C12orf42: variants seen among roughly 807,000 people sequenced by gnomAD.
C12orf42 encodes uncharacterized protein C12orf42.
In C12orf42, 25 loss-of-function variants were observed where a neutral mutation model predicts 21.6. The observed-to-expected ratio is 1.16, with a 90% CI of 0.84 to 1.62. The LOEUF is 1.62. C12orf42 is among the 40% of genes most tolerant of loss of function. The pLI is 0.00. For synonymous variants in C12orf42, 174 were observed against 175.0 expected (o/e 0.99, Z 0.05); for missense variants, 483 against 459.3 (o/e 1.05, Z -0.47).
the C12orf42 span, among the ~76,000 whole-genome samples, chr12:103,137,359 G>GA: frequency 0.037 from 4,729 of 129,114 alleles, 154 homozygotes; most frequent in African/African-American, 0.099. Flanking sequence ...TTTTTAAAAA[G>GA]AAAAAAAAAA....
chr12:103,077,295 A>G, the C12orf42 span, among the ~76,000 whole-genome samples: 1 of 152,356 alleles, frequency 6.6e-6, no homozygotes, highest in Non-Finnish European at 1.5e-5. Context: ...AGCCAACAGA[A>G]AAGTGCAAAT....
intron 4 of C12orf42, among the ~76,000 whole-genome samples, chr12:103,338,723 G>A (rs954337460): frequency 1.3e-5 from 2 of 152,096 alleles, no homozygotes; most frequent in African/African-American, 4.8e-5. Context: ...TGTTAAATAA[G>A]AGAGATGCTC....
intron 3 of C12orf42, among the ~76,000 whole-genome samples, chr12:103,393,569 C>G (rs558942546): frequency 6.7e-4 from 102 of 152,248 alleles, no homozygotes; most frequent in African/African-American, 2.3e-3. Flanking sequence ...ACAACACATG[C>G]TTCCGTTCCC....
At chr12:103,245,288 A>G (rs1209944351) in intron 10 of C12orf42, among the ~76,000 whole-genome samples, 2 of 152,214 alleles carry the variant, frequency 1.3e-5, no homozygotes, top group East Asian at 1.9e-4. Context: ...GGGCAAGATT[A>G]TTAAGCTCTC....
chr12:103,462,853 G>A (rs1952831833), intron 2 of C12orf42, among the ~76,000 whole-genome samples: 1 of 152,146 alleles, frequency 6.6e-6, no homozygotes, highest in Admixed American at 6.5e-5. Flanking sequence ...CACATCTTTT[G>A]TTTTTCACTT....
chr12:103,525,957 C>T, the C12orf42 span, among the ~76,000 whole-genome samples: 1 of 152,092 alleles, frequency 6.6e-6, no homozygotes, highest in Admixed American at 6.5e-5. Context: ...AAACCGAAGG[C>T]GGAGGTTGCA....
chr12:103,308,980 G>A (rs968784352), intron 4 of C12orf42, among the ~76,000 whole-genome samples: 4 of 152,158 alleles, frequency 2.6e-5, no homozygotes, highest in African/African-American at 9.7e-5. Flanking sequence ...TAGGAAAAAG[G>A]CACTGAACAG....
chr12:103,128,531 T>G, the C12orf42 span, among the ~76,000 whole-genome samples: 1 of 152,358 alleles, frequency 6.6e-6, no homozygotes, highest in African/African-American at 2.4e-5. Flanking sequence ...TGCCAAGCAC[T>G]GTTCTAAACC....
At chr12:103,168,530 A>G in the C12orf42 span, among the ~76,000 whole-genome samples, 1 of 152,176 alleles carries the variant, frequency 6.6e-6, no homozygotes, top group Non-Finnish European at 1.5e-5. Context: ...AAAATTCAAC[A>G]TGGCAAGGCA....
At chr12:103,445,608 G>A (rs1221641656) in intron 2 of C12orf42, among the ~76,000 whole-genome samples, 1 of 151,674 alleles carries the variant, frequency 6.6e-6, no homozygotes, top group African/African-American at 2.4e-5. Flanking sequence ...TTCCTGTTGT[G>A]GTTTGCTTTT....
At chr12:103,540,548 A>T in the C12orf42 span, among the ~76,000 whole-genome samples, 9 of 152,268 alleles carry the variant, frequency 5.9e-5, no homozygotes, top group African/African-American at 1.9e-4. Flanking sequence ...GTTATGCAGT[A>T]ACTTTCATTA....
intron 4 of C12orf42, among the ~76,000 whole-genome samples, chr12:103,347,240 TTCCCC>T (rs1420585004): frequency 2.0e-5 from 3 of 151,250 alleles, no homozygotes; most frequent in African/African-American, 7.3e-5. Flanking sequence ...GTGTGTGATG[TTCCCC>T]TCCCTGTGTC....
At chr12:103,267,943 C>T (rs938590793), downstream of C12orf42, 1 of 152,002 alleles carries the variant, frequency 6.6e-6, no homozygotes, top group Admixed American at 6.6e-5. Flanking sequence ...AATAAATAGT[C>T]CTTCCTATAT....
chr12:103,172,957 C>A, the C12orf42 span, among the ~76,000 whole-genome samples: 2 of 152,202 alleles, frequency 1.3e-5, no homozygotes, highest in East Asian at 3.9e-4. Context: ...TAATTTACCT[C>A]CAATGACAAA....
At chr12:103,466,151 T>C (rs934528593) in intron 2 of C12orf42, among the ~76,000 whole-genome samples, 3 of 152,220 alleles carry the variant, frequency 2.0e-5, no homozygotes, top group Non-Finnish European at 4.4e-5. Context: ...TTTCAGTTGT[T>C]CGGAATAGTT....
chr12:103,445,564 T>C (rs563624469), intron 2 of C12orf42, among the ~76,000 whole-genome samples: 4 of 152,050 alleles, frequency 2.6e-5, no homozygotes, highest in Non-Finnish European at 5.9e-5. Flanking sequence ...GCATAGGTTA[T>C]TCTGTAAAAT....
chr12:103,358,799 G>A (rs1054706412), intron 4 of C12orf42, among the ~76,000 whole-genome samples: 2 of 151,894 alleles, frequency 1.3e-5, no homozygotes, highest in Non-Finnish European at 2.9e-5. Context: ...GACTTTTACT[G>A]TGAACTCCCT....
intron 2 of C12orf42, among the ~76,000 whole-genome samples, chr12:103,475,349 C>T (rs545411426): frequency 1.3e-5 from 2 of 152,292 alleles, no homozygotes; most frequent in South Asian, 2.1e-4. Flanking sequence ...ATATGGTGGG[C>T]ACATAGTTTG....
At chr12:103,405,987 C>G (rs556161992) in intron 2 of C12orf42, among the ~76,000 whole-genome samples, 33 of 152,212 alleles carry the variant, frequency 2.2e-4, no homozygotes, top group Non-Finnish European at 4.1e-4. Flanking sequence ...TTGTGGTTAA[C>G]TTGGTTAGAA....
Sources: gnomAD v4.1 joint callset for allele counts (sites outside exome capture counted in the v4.1 genomes callset) on GRCh38, gnomAD v4.1.1 for gene constraint, MANE v1.5 for transcripts, NCBI Gene and HGNC (gene_info 2026-07-23, HGNC 2026-07-21) for gene names.